Variants in CNTNAP2 observed in about 807,000 individuals in gnomAD.
The protein encoded by CNTNAP2 is contactin associated protein 2.
A neutral mutation model predicts 155.2 loss-of-function variants in CNTNAP2; 98 were observed. The ratio of observed to expected loss-of-function variants is 0.63; its 90% CI spans 0.54 to 0.75. CNTNAP2 has a LOEUF of 0.75. CNTNAP2 is among the 30% of genes least tolerant of loss of function. The pLI is 0.00. For synonymous variants in CNTNAP2, 651 were observed against 631.2 expected (o/e 1.03, Z -0.47); for missense variants, 1,727 against 1,688.1 (o/e 1.02, Z -0.40).
At chr7:148,315,871 C>A (rs947489618) in intron 21 of CNTNAP2, among the ~76,000 whole-genome samples, 1 of 151,646 alleles carries the variant, frequency 6.6e-6, no homozygotes, top group Non-Finnish European at 1.5e-5. Context: ...ATGGTTAAGA[C>A]AAAATGTGTT....
At chr7:147,041,000 A>G (rs987356065) in intron 3 of CNTNAP2, among the ~76,000 whole-genome samples, 3 of 151,964 alleles carry the variant, frequency 2.0e-5, no homozygotes, top group Non-Finnish European at 2.9e-5. Flanking sequence ...TTATTTATTT[A>G]TTGCCCCTAC....
At chr7:146,478,388 C>G (rs1236484318) in intron 1 of CNTNAP2, among the ~76,000 whole-genome samples, 1 of 151,964 alleles carries the variant, frequency 6.6e-6, no homozygotes, top group African/African-American at 2.4e-5. Flanking sequence ...CCTCACAGTG[C>G]TAATTAAGTT....
chr7:146,482,206 G>GAAAAAAAAAAAAA (rs749887909), intron 1 of CNTNAP2, among the ~76,000 whole-genome samples: 6 of 82,122 alleles, frequency 7.3e-5, no homozygotes, highest in African/African-American at 2.4e-4. Flanking sequence ...CTAAGAATTA[G>GAAAAAAAAAAAAA]AAAAAAAAAA....
intron 22 of CNTNAP2, 136 bp downstream of exon 22, chr7:148,384,024 T>A: frequency 7.9e-7 from 1 of 1,273,702 alleles, no homozygotes; most frequent in Non-Finnish European, 1.1e-6. Context: ...AGGAACGTTG[T>A]GAGTACGGAG....
chr7:148,065,024 T>G (rs558748838), intron 15 of CNTNAP2, among the ~76,000 whole-genome samples: 1 of 152,286 alleles, frequency 6.6e-6, no homozygotes, highest in African/African-American at 2.4e-5. Context: ...ATTTTTTAAT[T>G]TCCATCTTGA....
At chr7:147,325,749 T>A (rs537180841) in intron 9 of CNTNAP2, among the ~76,000 whole-genome samples, 2 of 152,234 alleles carry the variant, frequency 1.3e-5, no homozygotes, top group African/African-American at 4.8e-5. Flanking sequence ...AGTTACCATT[T>A]TAACTATATT....
chr7:146,821,075 G>T (rs1803271632), intron 2 of CNTNAP2, among the ~76,000 whole-genome samples: 1 of 152,118 alleles, frequency 6.6e-6, no homozygotes, highest in African/African-American at 2.4e-5. Context: ...CGTGAGATGG[G>T]TTTCCTGAAT....
intron 12 of CNTNAP2, among the ~76,000 whole-genome samples, chr7:147,584,846 T>C (rs2373103): frequency 0.69 from 104,993 of 152,070 alleles, 36,828 homozygotes; most frequent in African/African-American, 0.81. Flanking sequence ...AGGTGGCCTC[T>C]TGGGGAAGCC....
intron 15 of CNTNAP2, among the ~76,000 whole-genome samples, chr7:148,019,662 G>T (rs1490892776): frequency 6.6e-6 from 1 of 151,986 alleles, no homozygotes; most frequent in African/African-American, 2.4e-5. Context: ...TCACTATGTT[G>T]CCCATGCTGG....
At chr7:146,325,784 T>C (rs1214624361) in intron 1 of CNTNAP2, among the ~76,000 whole-genome samples, 4 of 152,160 alleles carry the variant, frequency 2.6e-5, no homozygotes, top group African/African-American at 9.7e-5. Flanking sequence ...AAAAAAACTT[T>C]AACATTTAAA....
chr7:148,122,795 G>T (rs1312047041), intron 16 of CNTNAP2, among the ~76,000 whole-genome samples: 2 of 149,718 alleles, frequency 1.3e-5, no homozygotes, highest in African/African-American at 5.0e-5. Flanking sequence ...CCTTCAATGA[G>T]CCGAGATCAC....
intron 15 of CNTNAP2, among the ~76,000 whole-genome samples, chr7:148,098,444 GAAAA>G (rs61014019): frequency 1.7e-3 from 94 of 56,386 alleles, no homozygotes; most frequent in Admixed American, 2.4e-3. Flanking sequence ...CTCTGTCTCA[GAAAA>G]AAAAAAAAAA....
At chr7:148,131,483 A>G (rs1410879609) in intron 16 of CNTNAP2, among the ~76,000 whole-genome samples, 1 of 152,220 alleles carries the variant, frequency 6.6e-6, no homozygotes, top group Non-Finnish European at 1.5e-5. Context: ...CAAAAAGACC[A>G]ACAACTAGAA....
chr7:146,380,946 C>T (rs1413301438), intron 1 of CNTNAP2, among the ~76,000 whole-genome samples: 1 of 150,316 alleles, frequency 6.7e-6, no homozygotes, highest in African/African-American at 2.4e-5. Context: ...CTACAGGCGC[C>T]CGCCACCTCG....
intron 3 of CNTNAP2, among the ~76,000 whole-genome samples, chr7:147,016,658 T>C (rs777808986): frequency 1.3e-5 from 2 of 152,124 alleles, no homozygotes; most frequent in Non-Finnish European, 2.9e-5. Context: ...TTTTGAATTA[T>C]ATTTAAGGCA....
chr7:147,820,447 T>C (rs1798344056), intron 13 of CNTNAP2, among the ~76,000 whole-genome samples: 1 of 152,104 alleles, frequency 6.6e-6, no homozygotes, highest in Non-Finnish European at 1.5e-5. Context: ...TTCCTGCCGG[T>C]CTATGATTTT....
intron 1 of CNTNAP2, among the ~76,000 whole-genome samples, chr7:146,216,348 T>A (rs1584806641): frequency 6.6e-6 from 1 of 152,170 alleles, no homozygotes; most frequent in Admixed American, 6.5e-5. Context: ...CTTAATATTT[T>A]AAAAAACAGA....
intron 9 of CNTNAP2, among the ~76,000 whole-genome samples, chr7:147,377,349 T>C (rs10500184): frequency 0.21 from 32,341 of 151,744 alleles, 4,317 homozygotes; most frequent in African/African-American, 0.35. Context: ...TCACACCCTA[T>C]CATGCTATAG....
intron 1 of CNTNAP2, among the ~76,000 whole-genome samples, chr7:146,507,472 T>C (rs1266067327): frequency 6.6e-6 from 1 of 152,188 alleles, no homozygotes; most frequent in Non-Finnish European, 1.5e-5. Flanking sequence ...GTAATTCCTG[T>C]TTTTGTCAAC....
Sources: allele counts gnomAD v4.1 joint callset (sites outside exome capture counted in the v4.1 genomes callset), GRCh38; gene constraint gnomAD v4.1.1; transcripts MANE v1.5; gene names NCBI Gene and HGNC (gene_info 2026-07-23, HGNC 2026-07-21).